The following MRPS28 variants were observed in gnomAD, a reference collection of about 807,000 sequenced individuals.
MRPS28 encodes small ribosomal subunit protein bS1m.
A neutral mutation model predicts 10.8 loss-of-function variants in MRPS28; 7 were observed. That is an observed-to-expected ratio of 0.65 (90% CI 0.37 to 1.22). The LOEUF is 1.22. Ranked by LOEUF, MRPS28 falls within the 50% of genes most tolerant of loss-of-function variation. The probability of loss-of-function intolerance (pLI) is 0.02; values close to 1 mark genes in which losing one functional copy is unlikely to be tolerated. For missense variants in MRPS28, 265 were observed against 232.9 expected (o/e 1.14, Z -0.90); for synonymous variants, 121 against 93.3 (o/e 1.30, Z -1.71).
chr8:79,994,719 G>A (rs1808456505), intron 2 of MRPS28, among the ~76,000 whole-genome samples: 1 of 151,986 alleles, frequency 6.6e-6, no homozygotes, highest in African/African-American at 2.4e-5. Flanking sequence ...GTTGACCCAC[G>A]TTCCTTGTTA....
intron 1 of MRPS28, among the ~76,000 whole-genome samples, chr8:80,005,795 C>T (rs1203842987): frequency 6.6e-6 from 1 of 152,000 alleles, no homozygotes; most frequent in South Asian, 2.1e-4. Flanking sequence ...GGAAGATCTA[C>T]CAAGCAAATG....
intron 2 of MRPS28, among the ~76,000 whole-genome samples, chr8:79,952,325 G>A (rs1807100036): frequency 6.6e-6 from 1 of 152,106 alleles, no homozygotes; most frequent in African/African-American, 2.4e-5. Flanking sequence ...AGTTTTTAAT[G>A]GGCCTACTTT....
At chr8:80,005,000 C>G (rs1808787779) in intron 1 of MRPS28, among the ~76,000 whole-genome samples, 1 of 152,206 alleles carries the variant, frequency 6.6e-6, no homozygotes, top group Non-Finnish European at 1.5e-5. Context: ...AAGACCAAAT[C>G]TACGTCTGAT....
At chr8:79,989,488 A>G (rs1227588734) in intron 2 of MRPS28, among the ~76,000 whole-genome samples, 2 of 152,226 alleles carry the variant, frequency 1.3e-5, no homozygotes, top group African/African-American at 4.8e-5. Context: ...AGAATTTTAG[A>G]GTCCTGAAGT....
At chr8:79,986,659 T>G (rs543244093) in intron 2 of MRPS28, among the ~76,000 whole-genome samples, 2,668 of 151,824 alleles carry the variant, frequency 0.018, 69 homozygotes, top group African/African-American at 0.058. Context: ...AAATCATGAG[T>G]GAACTCCCAT....
chr8:79,920,011 G>A (rs187440064), intron 2 of MRPS28, among the ~76,000 whole-genome samples: 2,630 of 135,662 alleles, frequency 0.019, 79 homozygotes, highest in African/African-American at 0.069. Flanking sequence ...TCATTGTTCA[G>A]TTCCCACCTA....
intron 2 of MRPS28, among the ~76,000 whole-genome samples, chr8:79,990,028 G>A (rs1586081234): frequency 6.6e-6 from 1 of 152,256 alleles, no homozygotes; most frequent in Middle Eastern, 3.4e-3. Flanking sequence ...AGGCATGGTG[G>A]CAGACGCCTG....
Position 80,030,241 on chromosome 8 carries a change from G to C in MRPS28, c.8C>G (p.Ala3Gly). ...AGCCACAGCACGGGTCCGACACAGCGCCGCCATGACTTCTTTACCTCTGAC... is the reference window on the plus strand; with the variant it reads ...AGCCACAGCACGGGTCCGACACAGCCCCGCCATGACTTCTTTACCTCTGAC... MA[A>G]LCRTRAVAAE... is the part of the protein sequence containing the mutation. Residue 3 changes from alanine (A) to glycine (G), a missense_variant, in exon 1 of 3, where the codon GCG becomes GGG. Transcript: ENST00000276585. 1 of 1,613,952 alleles carries C rather than the reference G, an allele frequency of 6.2e-7. No individual in the cohort carries two copies. Among genetic ancestry groups the C allele is most frequent in the Non-Finnish European group, 8.5e-7 (1 of 1,180,012 alleles).
chr8:79,994,408 T>C (rs563837632), intron 2 of MRPS28, among the ~76,000 whole-genome samples: 2 of 152,176 alleles, frequency 1.3e-5, no homozygotes, highest in African/African-American at 4.8e-5. Flanking sequence ...CAGGCAATAA[T>C]ATCAATAACA....
chr8:79,986,481 A>G (rs1808179304), intron 2 of MRPS28, among the ~76,000 whole-genome samples: 1 of 152,216 alleles, frequency 6.6e-6, no homozygotes, highest in Admixed American at 6.5e-5. Context: ...GAGGAAGTCA[A>G]CTTGTCCCTG....
At chr8:80,010,862 A>G (rs982914950) in intron 1 of MRPS28, among the ~76,000 whole-genome samples, 1 of 152,260 alleles carries the variant, frequency 6.6e-6, no homozygotes, top group African/African-American at 2.4e-5. Context: ...CAAAAGGGTC[A>G]ATCTAAACTA....
chr8:79,978,335 G>T (rs1563531673), intron 2 of MRPS28, among the ~76,000 whole-genome samples: 1 of 80,286 alleles, frequency 1.2e-5, no homozygotes, highest in Non-Finnish European at 2.7e-5. Context: ...AGTGACAGTT[G>T]TATTTTTTTT....
At chr8:79,989,443 G>C (rs916087464) in intron 2 of MRPS28, among the ~76,000 whole-genome samples, 1 of 152,208 alleles carries the variant, frequency 6.6e-6, no homozygotes, top group African/African-American at 2.4e-5. Flanking sequence ...AGTGAAGTAG[G>C]TAAAGTAATA....
chr8:79,965,733 T>C (rs1807487988), intron 2 of MRPS28, among the ~76,000 whole-genome samples: 1 of 151,998 alleles, frequency 6.6e-6, no homozygotes, highest in Admixed American at 6.6e-5. Flanking sequence ...AATGAAAAAA[T>C]AACTGCTTTG....
chr8:79,958,590 T>C (rs1475438521), intron 2 of MRPS28, among the ~76,000 whole-genome samples: 1 of 152,020 alleles, frequency 6.6e-6, no homozygotes, highest in Non-Finnish European at 1.5e-5. Context: ...TTTTCTTTAA[T>C]GTAAAAAGGG....
At chr8:79,939,736 C>T (rs562905576) in intron 2 of MRPS28, among the ~76,000 whole-genome samples, 34 of 151,968 alleles carry the variant, frequency 2.2e-4, no homozygotes, top group East Asian at 1.7e-3. Context: ...TTTGGGAGGC[C>T]GAGGCAGGCG....
intron 2 of MRPS28, among the ~76,000 whole-genome samples, chr8:79,925,516 G>GT (rs1261792259): frequency 1.6e-4 from 25 of 152,162 alleles, no homozygotes; most frequent in Admixed American, 1.6e-3. Flanking sequence ...ACAAACAGAA[G>GT]TTTTGTCTCT....
intron 2 of MRPS28, among the ~76,000 whole-genome samples, chr8:79,970,215 T>G (rs971725528): frequency 5.9e-5 from 9 of 151,644 alleles, no homozygotes; most frequent in Non-Finnish European, 8.9e-5. Flanking sequence ...AGATCACGGG[T>G]TTTTTTTACC....
intron 2 of MRPS28, among the ~76,000 whole-genome samples, chr8:79,973,814 C>G (rs947448673): frequency 1.6e-5 from 2 of 125,202 alleles, no homozygotes; most frequent in Non-Finnish European, 3.3e-5. Flanking sequence ...CGAGTTCTCA[C>G]AGAAAAGGGC....
Sources: gnomAD v4.1 joint callset for allele counts (sites outside exome capture counted in the v4.1 genomes callset) on GRCh38, gnomAD v4.1.1 for gene constraint, MANE v1.5 for transcripts, NCBI Gene and HGNC (gene_info 2026-07-23, HGNC 2026-07-21) for gene names.